Variants in NAALADL2 observed in about 807,000 individuals in gnomAD.
NAALADL2 encodes the protein N-acetylated alpha-linked acidic dipeptidase like 2.
A neutral mutation model predicts 87.2 loss-of-function variants in NAALADL2; 76 were observed. The ratio of observed to expected loss-of-function variants is 0.87; its 90% confidence interval spans 0.72 to 1.05. The LOEUF (loss-of-function observed/expected upper bound fraction) is 1.05. Ranked by LOEUF, NAALADL2 falls within the 50% of genes least tolerant of loss-of-function variation. The pLI, the probability that NAALADL2 is intolerant of heterozygous loss-of-function variation, is 0.00. For missense variants in NAALADL2, 1,089 were observed against 945.8 expected, an observed-to-expected ratio of 1.15 and a Z score of -1.99; for synonymous variants, 354 against 331.0, an observed-to-expected ratio of 1.07 and a Z score of -0.75.
chr3:174,924,509 C>A (rs1324544586), intron 1 of NAALADL2, among the ~76,000 whole-genome samples: 3 of 152,024 alleles, frequency 2.0e-5, no homozygotes, highest in African/African-American at 7.3e-5. Flanking sequence ...GTGAATAGTG[C>A]CGCAATAAAC....
chr3:175,460,826 G>A (rs917823677), intron 6 of NAALADL2, among the ~76,000 whole-genome samples: 1 of 152,178 alleles, frequency 6.6e-6, no homozygotes, highest in Non-Finnish European at 1.5e-5. Context: ...AAGAGGCAGG[G>A]TGTTGCAGAC....
intron 2 of NAALADL2, among the ~76,000 whole-genome samples, chr3:175,119,059 G>GT (rs5854610): frequency 0.011 from 1,653 of 148,676 alleles, 28 homozygotes; most frequent in Non-Finnish European, 0.014. Context: ...GCATTTATAC[G>GT]TTTTTTTTTT....
intron 2 of NAALADL2, among the ~76,000 whole-genome samples, chr3:175,222,900 A>G (rs999389058): frequency 6.6e-6 from 1 of 152,154 alleles, no homozygotes; most frequent in Non-Finnish European, 1.5e-5. Flanking sequence ...GTCTGGCTTA[A>G]TAAAACACTG....
In NAALADL2 at chr3:175,324,328, A is replaced by C; in HGVS notation, c.1090+3A>C. On this transcript the variant is annotated splice_donor_region_variant and intron_variant, in intron 5 of 13. Transcript: ENST00000454872. ...TACGCCTGGTTACCCAAGTGTCGGT[A>C]AGTTTGTTGGTCATCATTATTATAC... The C allele has an allele frequency of 6.2e-7, 1 of 1,608,598 alleles. No homozygotes were observed. The highest frequency in any genetic ancestry group is 1.1e-5 in the South Asian group (1 of 89,950).
intron 10 of NAALADL2, among the ~76,000 whole-genome samples, chr3:175,606,612 G>A (rs1723778459): frequency 6.6e-6 from 1 of 152,128 alleles, no homozygotes; most frequent in Non-Finnish European, 1.5e-5. Context: ...TTCTGGTAGA[G>A]CAACAGATGT....
At chr3:175,732,152 G>A (rs1205452940) in intron 11 of NAALADL2, among the ~76,000 whole-genome samples, 1 of 152,142 alleles carries the variant, frequency 6.6e-6, no homozygotes, top group Admixed American at 6.5e-5. Flanking sequence ...CTCTGCTGGT[G>A]TAGGGGCAAA....
chr3:175,591,681 A>G (rs1055920640), intron 10 of NAALADL2, among the ~76,000 whole-genome samples: 1 of 151,942 alleles, frequency 6.6e-6, no homozygotes, highest in Non-Finnish European at 1.5e-5. Context: ...CACTAAGGGT[A>G]TCTGAGCCAT....
chr3:175,013,016 A>T (rs919011650), intron 1 of NAALADL2, among the ~76,000 whole-genome samples: 6 of 105,510 alleles, frequency 5.7e-5, no homozygotes, highest in African/African-American at 2.0e-4. Flanking sequence ...TACATATATA[A>T]TATATAAATA....
intron 13 of NAALADL2, among the ~76,000 whole-genome samples, chr3:175,768,474 G>C (rs1749041805): frequency 1.3e-5 from 2 of 152,114 alleles, no homozygotes; most frequent in African/African-American, 4.8e-5. Flanking sequence ...TACCAGAGAT[G>C]GTAAATTACA....
At chr3:175,643,677 A>T (rs1036635831) in intron 11 of NAALADL2, among the ~76,000 whole-genome samples, 3 of 152,190 alleles carry the variant, frequency 2.0e-5, no homozygotes, top group African/African-American at 4.8e-5. Context: ...ATTGGTGAAC[A>T]TGGTGAAGGG....
At chr3:175,045,222 A>C (rs1211201967) in intron 1 of NAALADL2, among the ~76,000 whole-genome samples, 2 of 152,094 alleles carry the variant, frequency 1.3e-5, no homozygotes. Flanking sequence ...GTTTAAGTCT[A>C]ACTTTCATAC....
At chr3:175,508,951 A>G (rs1017542738) in intron 9 of NAALADL2, among the ~76,000 whole-genome samples, 3 of 151,982 alleles carry the variant, frequency 2.0e-5, no homozygotes, top group African/African-American at 7.2e-5. Context: ...CCCTATCTCT[A>G]CTAAAAATAC....
intron 3 of NAALADL2, among the ~76,000 whole-genome samples, chr3:174,828,895 T>C (rs16864900): frequency 0.1 from 15,842 of 152,196 alleles, 959 homozygotes; most frequent in Middle Eastern, 0.15. Flanking sequence ...CATTGATAGA[T>C]AAGGGAGGAT....
intron 6 of NAALADL2, among the ~76,000 whole-genome samples, chr3:175,455,332 A>G (rs1375421747): frequency 6.6e-6 from 1 of 152,054 alleles, no homozygotes; most frequent in Non-Finnish European, 1.5e-5. Flanking sequence ...AATAGATGTG[A>G]ATGAACAAAT....
At chr3:174,828,350 C>T (rs779522514) in intron 3 of NAALADL2, among the ~76,000 whole-genome samples, 3 of 152,124 alleles carry the variant, frequency 2.0e-5, no homozygotes, top group Non-Finnish European at 2.9e-5. Context: ...AAGGTGTCTG[C>T]GAGTTAGAGA....
intron 1 of NAALADL2, among the ~76,000 whole-genome samples, chr3:174,443,773 T>TTTTTAAAGTGTA (rs1372906237): frequency 1.4e-5 from 2 of 144,858 alleles, no homozygotes; most frequent in Non-Finnish European, 1.6e-5. Context: ...AGAGCTGCAT[T>TTTTTAAAGTGTA]CCATGTAAAA....
At chr3:174,518,289 G>T (rs1214772821) in intron 1 of NAALADL2, among the ~76,000 whole-genome samples, 1 of 152,078 alleles carries the variant, frequency 6.6e-6, no homozygotes, top group East Asian at 1.9e-4. Context: ...CAAGCAAACT[G>T]CTCTAGGATC....
intron 1 of NAALADL2, among the ~76,000 whole-genome samples, chr3:174,921,825 A>G (rs1735254525): frequency 2.6e-5 from 2 of 78,426 alleles, no homozygotes; most frequent in African/African-American, 1.2e-4. Context: ...AAAAAAAGAA[A>G]AAGAAAAAGA....
chr3:174,801,698 T>C (rs1396549426), intron 3 of NAALADL2, among the ~76,000 whole-genome samples: 1 of 152,152 alleles, frequency 6.6e-6, no homozygotes, highest in African/African-American at 2.4e-5. Context: ...GTTTTTATCA[T>C]GAAAGGATGC....
Sources: allele counts gnomAD v4.1 joint callset (sites outside exome capture counted in the v4.1 genomes callset), GRCh38; gene constraint gnomAD v4.1.1; transcripts MANE v1.5; gene names NCBI Gene and HGNC (gene_info 2026-07-23, HGNC 2026-07-21).